ANKS1B: variants seen among roughly 807,000 people sequenced by gnomAD.
ANKS1B encodes the protein ankyrin repeat and sterile alpha motif domain containing 1B.
A neutral mutation model predicts 148.3 loss-of-function variants in ANKS1B; 36 were observed. That is an observed-to-expected ratio of 0.24 (90% confidence interval 0.19 to 0.32). ANKS1B has a LOEUF of 0.32. Among genes scored for constraint, ANKS1B ranks in the 10% least tolerant of loss-of-function variants. The probability of loss-of-function intolerance (pLI) is 1.00; values close to 1 mark genes in which losing one functional copy is unlikely to be tolerated. For synonymous variants in ANKS1B, 542 were observed against 560.8 expected, an observed-to-expected ratio of 0.97 and a Z score of 0.47; for missense variants, 1,157 against 1,542.6, an observed-to-expected ratio of 0.75 and a Z score of 4.19.
chr12:99,313,327 C>T (rs568959049), intron 12 of ANKS1B, among the ~76,000 whole-genome samples: 4 of 152,284 alleles, frequency 2.6e-5, no homozygotes, highest in Middle Eastern at 3.4e-3. Context: ...CAGCTGAATT[C>T]TACCAGAAGT....
intron 9 of ANKS1B, among the ~76,000 whole-genome samples, chr12:99,564,230 T>C (rs544784761): frequency 5.5e-4 from 84 of 152,222 alleles, no homozygotes; most frequent in Middle Eastern, 6.8e-3. Context: ...ACTACAGCAC[T>C]GTTTACAAAG....
chr12:98,830,640 G>A lies in ANKS1B; in HGVS notation c.2887-1287C>T, dbSNP rs546147117. Among the ~76,000 whole-genome samples the A allele has an allele frequency of 2.0e-5, 3 of 152,272 alleles. No individual in the cohort carries two copies. The Middle Eastern group carries it at 0.01, about 518-fold the overall frequency. On this transcript the variant is annotated intron_variant, in intron 18 of 26. Coordinates refer to ENST00000683438, the MANE Select transcript of ANKS1B (RefSeq NM_001352186.2). ...ATTTCATCACGATGGTTACGTCCGG[G>A]TGCCGTGCTTGTGTTCATCTCTTCA...
chr12:99,052,645 G>A lies in ANKS1B; in HGVS notation c.2778+512C>T, dbSNP rs536218169. Among the ~76,000 whole-genome samples, 9 of 141,380 alleles carry A rather than the reference G, an allele frequency of 6.4e-5. 1 individual carries two copies. In the East Asian group the frequency reaches 1.0e-3, roughly 16 times the overall value. 92.8% of individuals were successfully genotyped at this position (141,380 alleles called of 152,430 possible). A position where few individuals can be genotyped will look rare whatever the true frequency, so the allele number is the denominator to read the frequency against. On this transcript the variant is annotated intron_variant, in intron 17 of 26. Transcript: ENST00000683438. ...CGGGAGGCTGAGGCAGGAGAATGGC[G>A]TGAACCCGGGAAGCGGAGCTTGCAG... is the stretch of plus-strand genomic sequence containing the variant.
chr12:99,675,747 T>C (rs1179237158), intron 8 of ANKS1B, among the ~76,000 whole-genome samples: 4 of 152,024 alleles, frequency 2.6e-5, no homozygotes, highest in African/African-American at 9.7e-5. Flanking sequence ...AAAATAAATG[T>C]ATAAACAATC....
intron 9 of ANKS1B, among the ~76,000 whole-genome samples, chr12:99,653,660 C>G (rs935966225): frequency 3.4e-5 from 5 of 145,932 alleles, no homozygotes; most frequent in Admixed American, 7.0e-5. Flanking sequence ...ACATTTTTTT[C>G]TCTTCCTTTC....
chr12:99,122,421 A>C (rs1048411936), intron 15 of ANKS1B, among the ~76,000 whole-genome samples: 1 of 152,202 alleles, frequency 6.6e-6, no homozygotes, highest in East Asian at 1.9e-4. Context: ...TGGTTTTTAC[A>C]TGAATCTTCA....
At chr12:99,727,011 T>C (rs1042557959) in intron 8 of ANKS1B, among the ~76,000 whole-genome samples, 2 of 152,170 alleles carry the variant, frequency 1.3e-5, no homozygotes, top group African/African-American at 4.8e-5. Context: ...GAGCTATTTA[T>C]GACAAACCCA....
intron 11 of ANKS1B, among the ~76,000 whole-genome samples, chr12:99,400,246 T>A (rs2094366961): frequency 6.8e-6 from 1 of 147,492 alleles, no homozygotes; most frequent in African/African-American, 2.5e-5. Flanking sequence ...AGTTCCATTT[T>A]TTTATTCTTT....
At position 98,825,744 on chromosome 12, in the gene ANKS1B, C is replaced by T. The variant is rs191320673; in HGVS notation, c.3066+3430G>A. 1.2e-4 allele frequency among the ~76,000 whole-genome samples: 18 copies of T among 152,044 alleles called. No homozygotes were observed. In the East Asian group the frequency reaches 1.7e-3, roughly 15 times the overall value. On this transcript the variant is annotated intron_variant, in intron 19 of 26. Coordinates refer to ENST00000683438, the MANE Select transcript of ANKS1B (RefSeq NM_001352186.2). ...CTTATTGTTCATTTTAAGGGTACTT[C>T]GACTTCTAAATATCATTCAAGAAAA...
intron 1 of ANKS1B, among the ~76,000 whole-genome samples, chr12:99,924,061 AC>A (rs1466195863): frequency 2.0e-5 from 3 of 152,166 alleles, no homozygotes; most frequent in African/African-American, 7.2e-5. Context: ...TGTGGCAAGT[AC>A]CTCACTTACC....
intron 14 of ANKS1B, among the ~76,000 whole-genome samples, chr12:99,211,665 C>T (rs2083364405): frequency 3.3e-5 from 5 of 152,242 alleles, no homozygotes; most frequent in Admixed American, 3.3e-4. Flanking sequence ...CTTGATCATT[C>T]TCCTCTTTGG....
intron 9 of ANKS1B, among the ~76,000 whole-genome samples, chr12:99,532,872 A>G (rs1012541604): frequency 6.6e-6 from 1 of 151,994 alleles, no homozygotes; most frequent in African/African-American, 2.4e-5. Flanking sequence ...ATTCTGTTAC[A>G]TTTGTCTCTG....
intron 12 of ANKS1B, among the ~76,000 whole-genome samples, chr12:99,309,020 C>T (rs1425622490): frequency 6.6e-6 from 1 of 151,180 alleles, no homozygotes; most frequent in East Asian, 1.9e-4. Flanking sequence ...CAAATACTAT[C>T]AGTTTTCATG....
intron 17 of ANKS1B, among the ~76,000 whole-genome samples, chr12:98,847,803 T>C (rs175637): frequency 0.88 from 133,528 of 151,954 alleles, 58,702 homozygotes; most frequent in East Asian, 1. Context: ...GTCATGTTGG[T>C]CAGGCTGGTC....
At chr12:99,513,063 A>G (rs1290402859) in intron 9 of ANKS1B, among the ~76,000 whole-genome samples, 1 of 151,888 alleles carries the variant, frequency 6.6e-6, no homozygotes, top group African/African-American at 2.4e-5. Flanking sequence ...TGAAAGAAAA[A>G]AAAAAAACTG....
chr12:98,800,705 T>TATATATATATATATATATATATATA (rs2098997931), intron 21 of ANKS1B, among the ~76,000 whole-genome samples: 1 of 148,836 alleles, frequency 6.7e-6, no homozygotes, highest in African/African-American at 2.5e-5. Context: ...ATATTTACAC[T>TATATATATATATATATATATATATA]CATTTCCATT....
At chr12:99,978,520 T>C (rs574624181) in intron 1 of ANKS1B, among the ~76,000 whole-genome samples, 5 of 152,222 alleles carry the variant, frequency 3.3e-5, no homozygotes, top group Non-Finnish European at 5.9e-5. Flanking sequence ...GATAACCCAC[T>C]TGCAACTTGA....
chr12:99,451,866 T>G (rs1264004276), intron 10 of ANKS1B, among the ~76,000 whole-genome samples: 2 of 152,088 alleles, frequency 1.3e-5, no homozygotes, highest in Non-Finnish European at 2.9e-5. Context: ...AAATTATCTA[T>G]TACTATTATT....
At chr12:99,299,807 C>T in intron 12 of ANKS1B, among the ~76,000 whole-genome samples, 1 of 152,064 alleles carries the variant, frequency 6.6e-6, no homozygotes, top group Non-Finnish European at 1.5e-5. Flanking sequence ...TTTTGTTAAG[C>T]CTTTTGTATT....
Sources: allele counts gnomAD v4.1 joint callset (sites outside exome capture counted in the v4.1 genomes callset), GRCh38; gene constraint gnomAD v4.1.1; transcripts MANE v1.5; gene names NCBI Gene and HGNC (gene_info 2026-07-23, HGNC 2026-07-21).